GMCL1: variants seen among roughly 807,000 people sequenced by gnomAD.
GMCL1 encodes germ cell-less 1, spermatogenesis associated.
Under a neutral mutation model 75.5 loss-of-function variants are expected in GMCL1, and 54 were observed. The observed-to-expected ratio is 0.71, with a 90% confidence interval of 0.57 to 0.90. GMCL1 has a LOEUF of 0.90. GMCL1 is among the 40% of genes least tolerant of loss of function. GMCL1 has a pLI of 0.00. For synonymous variants in GMCL1, 210 were observed against 209.6 expected, an observed-to-expected ratio of 1.00 and a Z score of -0.02; for missense variants, 537 against 622.7, an observed-to-expected ratio of 0.86 and a Z score of 1.47.
At chr2:69,830,950 T>G (rs1300023068) in intron 1 of GMCL1, among the ~76,000 whole-genome samples, 2 of 152,184 alleles carry the variant, frequency 1.3e-5, no homozygotes, top group Non-Finnish European at 2.9e-5. Flanking sequence ...GACAGAGCCT[T>G]GCTCTGTCAC....
At chr2:69,869,561 T>C (rs1253445566) in intron 11 of GMCL1, 158 bp from the exon 12 acceptor site, 5 of 605,494 alleles carry the variant, frequency 8.3e-6, no homozygotes, top group Non-Finnish European at 1.4e-5. Context: ...TAAATAGTTT[T>C]GGGTGGTAAG....
chr2:69,874,440 G>A (rs1676066540), intron 13 of GMCL1, among the ~76,000 whole-genome samples: 2 of 151,934 alleles, frequency 1.3e-5, no homozygotes, highest in African/African-American at 4.8e-5. Context: ...GTAGAGACAG[G>A]ATTTCACCAT....
At chr2:69,848,267 A>C (rs1465759250) in intron 7 of GMCL1, among the ~76,000 whole-genome samples, 1 of 152,224 alleles carries the variant, frequency 6.6e-6, no homozygotes, top group East Asian at 1.9e-4. Context: ...GTGAGTATTT[A>C]ACACAGTTGT....
intron 13 of GMCL1, among the ~76,000 whole-genome samples, chr2:69,878,610 T>G (rs1418306733): frequency 1.3e-5 from 2 of 152,282 alleles, no homozygotes; most frequent in Non-Finnish European, 2.9e-5. Context: ...TGATAGAAAT[T>G]TTTGCAATAA....
Position 69,880,404 on chromosome 2 carries a change from T to C in GMCL1, c.*1400T>C, listed in dbSNP as rs1333830522. On this transcript the variant is annotated 3_prime_UTR_variant, in exon 14 of 14. Transcript: ENST00000282570. ...TCTTTTTTAATGATATGCCCATAGG[T>C]TCATAAATTGCTTTTGTTCTTTTAA... 6.6e-6 allele frequency: 1 copy of C among 152,170 alleles called. No individual in the cohort carries two copies. The highest frequency in any genetic ancestry group is 1.5e-5 in the Non-Finnish European group (1 of 68,026). The allele number at this position is 152,170 out of a possible 1,614,324, so 9.4% of individuals were successfully genotyped here.
At chr2:69,855,451 T>A (rs948882054) in intron 9 of GMCL1, among the ~76,000 whole-genome samples, 7 of 152,032 alleles carry the variant, frequency 4.6e-5, no homozygotes. Flanking sequence ...CTCTAGTGCT[T>A]GTGAATAATT....
At chr2:69,855,688 G>A (rs959386450) in intron 9 of GMCL1, among the ~76,000 whole-genome samples, 26 of 152,166 alleles carry the variant, frequency 1.7e-4, no homozygotes, top group Middle Eastern at 3.4e-3. Context: ...AACTCTTCTG[G>A]TATATTTGGA....
chr2:69,843,552 G>T (rs1270848733), intron 5 of GMCL1, among the ~76,000 whole-genome samples: 2 of 152,156 alleles, frequency 1.3e-5, no homozygotes, highest in Non-Finnish European at 2.9e-5. Flanking sequence ...GGTTTGGGAG[G>T]CCAAGGCAGA....
intron 9 of GMCL1, among the ~76,000 whole-genome samples, chr2:69,858,266 C>T (rs990404570): frequency 3.9e-5 from 6 of 152,184 alleles, no homozygotes; most frequent in Non-Finnish European, 7.3e-5. Flanking sequence ...GCTTCTGCCT[C>T]GGTCTCCCAA....
chr2:69,840,882 G>A, intron 3 of GMCL1, 60 bp from the exon 4 acceptor site: 1 of 1,096,736 alleles, frequency 9.1e-7, no homozygotes, highest in East Asian at 2.6e-5. Context: ...GTTGTTATTT[G>A]TATAACACTT....
At chr2:69,843,023 C>G (rs1675029414) in intron 4 of GMCL1, 126 bp from the exon 5 acceptor site, 1 of 341,928 alleles carries the variant, frequency 2.9e-6, no homozygotes, top group Non-Finnish European at 5.2e-6. Flanking sequence ...GTTTGCTGCA[C>G]TTAATGAGTT....
rs761548645 is a variant in GMCL1 at position 69,861,269 on chromosome 2, AC to A, written c.1073-8del. On this transcript the variant is annotated splice_polypyrimidine_tract_variant and splice_region_variant and intron_variant, in intron 9 of 13. Transcript: ENST00000282570. The stretch of plus-strand genomic sequence containing the variant: ...TATTTATTATTATTAATTTATTCTT[AC>A]ATTTCAGAATGGCTCTCTTCTGTGT... 8.9e-6 allele frequency: 14 copies of A among 1,574,648 alleles called. No homozygotes were observed. The African/African-American group carries it at 1.8e-4, about 20-fold the overall frequency.
chr2:69,854,839 C>T lies in GMCL1; in HGVS notation c.951C>T (p.Ala317=), dbSNP rs770134704. ...TTTTTATAGATTTTGAAGGTATGGC[C>T]TTTCTTGAAACTGAACAAGGAAAAC... The part of the protein sequence containing the change: ...SKQRKDFEGM[A]FLETEQGKPF... Residue 317 remains alanine, a synonymous_variant, in exon 9 of 14, where the codon GCC becomes GCT. Coordinates refer to ENST00000282570, the MANE Select transcript of GMCL1 (RefSeq NM_178439.5). 5.6e-6 allele frequency: 9 copies of T among 1,608,962 alleles called. No homozygotes were observed. The Admixed American group carries it at 1.5e-4, about 27-fold the overall frequency.
rs930773496 is a variant in GMCL1 at position 69,866,141 on chromosome 2, C to T, written c.1218+1166C>T. 2.0e-5 allele frequency among the ~76,000 whole-genome samples: 3 copies of T among 151,650 alleles called. No individual in the cohort carries two copies. The East Asian group carries it at 5.8e-4, about 29-fold the overall frequency. On this transcript the variant is annotated intron_variant, in intron 11 of 13. Coordinates refer to ENST00000282570, the MANE Select transcript of GMCL1 (RefSeq NM_178439.5). ...GTGTATGCCTGTAGTCCTAGCTACT[C>T]GGAAGGCTGAGGCAGGAGATTGCTT...
intron 11 of GMCL1, among the ~76,000 whole-genome samples, chr2:69,867,171 C>G (rs1675843774): frequency 6.6e-6 from 1 of 151,984 alleles, no homozygotes; most frequent in Non-Finnish European, 1.5e-5. Flanking sequence ...TTCTCAGACT[C>G]CTGGGCTCAA....
intron 11 of GMCL1, among the ~76,000 whole-genome samples, chr2:69,868,564 T>C (rs1675885382): frequency 6.6e-6 from 1 of 151,374 alleles, no homozygotes; most frequent in Admixed American, 6.6e-5. Flanking sequence ...TTTTTATTTT[T>C]ATTTTTTTTT....
In GMCL1 at chr2:69,844,143, G is replaced by A; in HGVS notation, c.705G>A (p.Trp235Ter). 1 of 1,557,852 alleles carries A rather than the reference G, an allele frequency of 6.4e-7. No individual in the cohort carries two copies. The highest frequency in any genetic ancestry group is 8.7e-7 in the Non-Finnish European group (1 of 1,148,562). ...LDSVKKKCLE[W>*]LLNNLMTHQN... Reference sequence around the variant, plus strand: ...ATTTTAATTTCAGGTGCCTTGAATGGCTTCTAAACAATTTGATGACTCACC... The same window carrying A: ...ATTTTAATTTCAGGTGCCTTGAATGACTTCTAAACAATTTGATGACTCACC... Residue 235 changes from tryptophan to a stop codon, truncating the protein, a stop_gained, in exon 6 of 14, where the codon TGG (tryptophan) becomes TGA (stop). Coordinates refer to ENST00000282570, the MANE Select transcript of GMCL1 (RefSeq NM_178439.5). LOFTEE classifies it high-confidence loss of function.
chr2:69,856,148 G>A (rs759653912), intron 9 of GMCL1, among the ~76,000 whole-genome samples: 14 of 152,178 alleles, frequency 9.2e-5, no homozygotes, highest in Non-Finnish European at 7.4e-5. Flanking sequence ...TGAAGAGACA[G>A]AAGGAAGCCA....
At chr2:69,870,437 T>C (rs1486648981) in intron 12 of GMCL1, among the ~76,000 whole-genome samples, 1 of 152,126 alleles carries the variant, frequency 6.6e-6, no homozygotes, top group Non-Finnish European at 1.5e-5. Context: ...AAAAGCTTCA[T>C]AACAATTGAT....
Sources: allele counts gnomAD v4.1 joint callset (sites outside exome capture counted in the v4.1 genomes callset), GRCh38; gene constraint gnomAD v4.1.1; transcripts MANE v1.5; gene names NCBI Gene and HGNC (gene_info 2026-07-23, HGNC 2026-07-21).